Variants in CLPTM1 observed in about 807,000 individuals in gnomAD.
CLPTM1 encodes the protein putative lipid scramblase CLPTM1.
In CLPTM1, 21 loss-of-function variants were observed where a neutral mutation model predicts 77.3. The observed-to-expected ratio is 0.27, with a 90% CI of 0.19 to 0.39. CLPTM1 has a LOEUF of 0.39. Among genes scored for constraint, CLPTM1 ranks in the 10% least tolerant of loss-of-function variants. The probability of loss-of-function intolerance (pLI) is 1.00; values close to 1 mark genes in which losing one functional copy is unlikely to be tolerated. For synonymous variants in CLPTM1, 373 were observed against 381.0 expected, an observed-to-expected ratio of 0.98 and a Z score of 0.24; for missense variants, 642 against 921.2, an observed-to-expected ratio of 0.70 and a Z score of 3.92.
rs557719773 is a variant in CLPTM1 at position 44,962,212 on chromosome 19, A to G, written c.185+137A>G. On this transcript the variant is annotated intron_variant, in intron 2 of 13. Coordinates refer to ENST00000337392, the MANE Select transcript of CLPTM1 (RefSeq NM_001294.4). ...TTGCTTTTTTTCTTTTTTTTTTTGT[A>G]TGATGGAATGTTTTCTAAACCTTTT... 1.7e-3 allele frequency: 726 copies of G among 423,500 alleles called. 1 individual carries two copies. Among genetic ancestry groups the G allele is most frequent in the Non-Finnish European group, 2.6e-3 (635 of 240,984 alleles). The allele number at this position is 423,500 out of a possible 1,614,324, so 26.2% of individuals were successfully genotyped here.
chr19:44,983,184 G>T (rs1024708535), intron 5 of CLPTM1, among the ~76,000 whole-genome samples: 2 of 152,106 alleles, frequency 1.3e-5, no homozygotes, highest in Non-Finnish European at 2.9e-5. Flanking sequence ...CCCTTAGCTT[G>T]TAGGATTCAG....
chr19:44,968,580 C>T (rs1970670279), intron 2 of CLPTM1, among the ~76,000 whole-genome samples: 1 of 152,170 alleles, frequency 6.6e-6, no homozygotes, highest in South Asian at 2.1e-4. Flanking sequence ...GATGAGGGGC[C>T]ATGGCCATGA....
chr19:44,966,851 T>C (rs781434885), intron 2 of CLPTM1, among the ~76,000 whole-genome samples: 19 of 151,358 alleles, frequency 1.3e-4, no homozygotes, highest in South Asian at 2.1e-4. Flanking sequence ...CTCTCTCTCT[T>C]TTTTTTGGGA....
rs1337305034 is a variant in CLPTM1 at position 44,993,066 on chromosome 19, G to T, written c.*169G>T. 1 of 865,638 alleles carries T rather than the reference G, an allele frequency of 1.2e-6. No homozygotes were observed. The highest frequency in any genetic ancestry group is 2.5e-5 in the East Asian group (1 of 39,416). 53.6% of individuals were successfully genotyped at this position (865,638 alleles called of 1,614,324 possible). A position where few individuals can be genotyped will look rare whatever the true frequency, so the allele number is the denominator to read the frequency against. On this transcript the variant is annotated 3_prime_UTR_variant, in exon 14 of 14. Transcript: ENST00000337392. ...GTGATGTAGGGGCCGGGGCAGGCCAGGGTTTGTTTGTGGAGGCGCTGTCTG... is the reference window on the plus strand; with the variant it reads ...GTGATGTAGGGGCCGGGGCAGGCCATGGTTTGTTTGTGGAGGCGCTGTCTG...
chr19:44,972,964 C>T (rs1970745170), intron 2 of CLPTM1, 123 bp from the exon 3 acceptor site: 1 of 1,369,210 alleles, frequency 7.3e-7, no homozygotes, highest in African/African-American at 1.5e-5. Context: ...CTCAGGGCCT[C>T]CCTGACTTGG....
In CLPTM1 at chr19:44,990,289, C is replaced by G. The variant is rs561017764; in HGVS notation, c.1133-106C>G. 2 of 1,192,860 alleles carry G rather than the reference C, an allele frequency of 1.7e-6. No homozygotes were observed. The highest frequency in any genetic ancestry group is 2.0e-5 in the Admixed American group (1 of 48,882). 73.9% of individuals were successfully genotyped at this position (1,192,860 alleles called of 1,614,324 possible). ...TTCAGCACCCCTCCTGAGGACCCAG[C>G]CCCACCCCAGGGTGTGAGGATGCAG... On this transcript the variant is annotated intron_variant, in intron 9 of 13. Transcript: ENST00000337392. The surrounding 1 kb of genome is among the most constrained non-coding windows in gnomAD (Gnocchi z 4.8).
Position 44,966,386 on chromosome 19 carries a change from G to A in CLPTM1, c.185+4311G>A, listed in dbSNP as rs1183325555. Among the ~76,000 whole-genome samples the A allele has an allele frequency of 5.3e-5, 8 of 150,704 alleles. No individual in the cohort carries two copies. In the East Asian group the frequency reaches 1.6e-3, roughly 29 times the overall value. On this transcript the variant is annotated intron_variant, in intron 2 of 13. Coordinates refer to ENST00000337392, the MANE Select transcript of CLPTM1 (RefSeq NM_001294.4). ...AGATGCCGCCACTGCACTCCAGCCT[G>A]GGTGACAGAGCGAGACACAGTCTCA...
At position 44,991,234 on chromosome 19, in the gene CLPTM1, A is replaced by C. The variant is rs761499883; in HGVS notation, c.1420-4A>C. The C allele has an allele frequency of 6.2e-7, 1 of 1,613,876 alleles. No homozygotes were observed. Among genetic ancestry groups the C allele is most frequent in the Non-Finnish European group, 8.5e-7 (1 of 1,179,884 alleles). On this transcript the variant is annotated splice_region_variant and splice_polypyrimidine_tract_variant and intron_variant, in intron 11 of 13. Coordinates refer to ENST00000337392, the MANE Select transcript of CLPTM1 (RefSeq NM_001294.4). This position sits in a 1 kb window ranked among gnomAD's most constrained non-coding sequence, Gnocchi z 5.4. Reference sequence around the variant, plus strand: ...GCTGACAGCCCCACCCTGTGGCCCCACAGATGGCATTCCGGTACCTGTCCT... The same window carrying C: ...GCTGACAGCCCCACCCTGTGGCCCCCCAGATGGCATTCCGGTACCTGTCCT...
At chr19:44,969,687 C>CTTT (rs11330180) in intron 2 of CLPTM1, among the ~76,000 whole-genome samples, 5 of 132,518 alleles carry the variant, frequency 3.8e-5, no homozygotes, top group East Asian at 2.2e-4. Context: ...TTTAAGGACA[C>CTTT]TTTTTTTTTT....
Position 44,990,043 on chromosome 19 carries a change from CTGTT to C in CLPTM1, c.1133-349_1133-346del. 3.8e-6 allele frequency: 1 copy of C among 263,678 alleles called. No individual in the cohort carries two copies. The highest frequency in any genetic ancestry group is 7.2e-6 in the Non-Finnish European group (1 of 139,192). The allele number at this position is 263,678 out of a possible 1,614,324, so 16.3% of individuals were successfully genotyped here. A position where few individuals can be genotyped will look rare whatever the true frequency, so the allele number is the denominator to read the frequency against. ...TCCCTTCAGATTCTGCCATGCCAGGCTGTTTGGCCTCAGGGAAGCAGCTTCCCTG... is the reference window on the plus strand; with the variant it reads ...TCCCTTCAGATTCTGCCATGCCAGGCTGGCCTCAGGGAAGCAGCTTCCCTG... On this transcript the variant is annotated intron_variant, in intron 9 of 13. Transcript: ENST00000337392. The surrounding 1 kb of genome is among the most constrained non-coding windows in gnomAD (Gnocchi z 4.8).
intron 2 of CLPTM1, among the ~76,000 whole-genome samples, chr19:44,972,539 G>A (rs1485630488): frequency 7.9e-5 from 12 of 152,302 alleles, no homozygotes; most frequent in East Asian, 7.7e-4. Context: ...ATGAGCCGCC[G>A]CGCCCGTCCT....
chr19:44,962,001 G>T lies in CLPTM1; in HGVS notation c.111G>T (p.Ala37=), dbSNP rs374367654. The T allele has an allele frequency of 1.2e-6, 2 of 1,610,148 alleles. No homozygotes were observed. The highest frequency in any genetic ancestry group is 1.7e-6 in the Non-Finnish European group (2 of 1,178,822). Residue 37 remains alanine (A), a synonymous_variant, in exon 2 of 14, where the codon GCG becomes GCT. Coordinates refer to ENST00000337392, the MANE Select transcript of CLPTM1 (RefSeq NM_001294.4). The part of the protein sequence containing the change: ...SNGSIGRDPP[A]ETQPQNPPAQ... ...GCAGCATCGGGAGGGACCCGCCAGC[G>T]GAGACCCAGCCTCAGAACCCACCGG...
chr19:44,990,279 G>A lies in CLPTM1; in HGVS notation c.1133-116G>A, dbSNP rs1167625712. 9.6e-6 allele frequency: 10 copies of A among 1,040,812 alleles called. No individual in the cohort carries two copies. The East Asian group carries it at 2.1e-4, about 22-fold the overall frequency. 64.5% of individuals were successfully genotyped at this position (1,040,812 alleles called of 1,614,324 possible). A position where few individuals can be genotyped will look rare whatever the true frequency, so the allele number is the denominator to read the frequency against. ...AGGGGTCTCGTTCAGCACCCCTCCTGAGGACCCAGCCCCACCCCAGGGTGT... is the reference window on the plus strand; with the variant it reads ...AGGGGTCTCGTTCAGCACCCCTCCTAAGGACCCAGCCCCACCCCAGGGTGT... On this transcript the variant is annotated intron_variant, in intron 9 of 13. Coordinates refer to ENST00000337392, the MANE Select transcript of CLPTM1 (RefSeq NM_001294.4). This position sits in a 1 kb window ranked among gnomAD's most constrained non-coding sequence, Gnocchi z 4.8.
At chr19:44,957,366 G>A (rs970540702) in intron 1 of CLPTM1, among the ~76,000 whole-genome samples, 2 of 152,258 alleles carry the variant, frequency 1.3e-5, no homozygotes, top group African/African-American at 4.8e-5. Flanking sequence ...ACCCCAGGAG[G>A]GCAGAGCCAG....
intron 1 of CLPTM1, among the ~76,000 whole-genome samples, chr19:44,957,198 C>T (rs1187598119): frequency 6.6e-6 from 1 of 152,230 alleles, no homozygotes; most frequent in East Asian, 1.9e-4. Flanking sequence ...AGTCTCTTTC[C>T]TCATAGTCTA....
At chr19:44,972,485 GT>G (rs1970736126) in intron 2 of CLPTM1, among the ~76,000 whole-genome samples, 1 of 152,006 alleles carries the variant, frequency 6.6e-6, no homozygotes, top group Admixed American at 6.6e-5. Flanking sequence ...TCCTGACCTC[GT>G]GATCCGCCCG....
At chr19:44,963,558 C>G (rs1969064461) in intron 2 of CLPTM1, among the ~76,000 whole-genome samples, 1 of 151,936 alleles carries the variant, frequency 6.6e-6, no homozygotes, top group African/African-American at 2.4e-5. Context: ...ATCTCCTGAC[C>G]TCATGATCCG....
chr19:44,960,021 A>G (rs943064640), intron 1 of CLPTM1, among the ~76,000 whole-genome samples: 3 of 152,166 alleles, frequency 2.0e-5, no homozygotes, highest in South Asian at 2.1e-4. Context: ...CCTGACCCCA[A>G]ATCAGCTCAG....
chr19:44,971,443 C>T (rs1015698366), intron 2 of CLPTM1, among the ~76,000 whole-genome samples: 4 of 152,162 alleles, frequency 2.6e-5, no homozygotes, highest in Admixed American at 2.6e-4. Flanking sequence ...AAAATTGGAA[C>T]TAACGTATCA....
Sources: allele counts gnomAD v4.1 joint callset (sites outside exome capture counted in the v4.1 genomes callset), GRCh38; gene constraint gnomAD v4.1.1; non-coding constraint Gnocchi (gnomAD v3.1); transcripts MANE v1.5; gene names NCBI Gene and HGNC (gene_info 2026-07-23, HGNC 2026-07-21).